GSN: variants seen among roughly 807,000 people sequenced by gnomAD.
The protein encoded by GSN is gelsolin.
A neutral mutation model predicts 85.7 loss-of-function variants in GSN; 56 were observed. The observed-to-expected ratio is 0.65, with a 90% confidence interval of 0.53 to 0.82. The LOEUF (loss-of-function observed/expected upper bound fraction) is 0.82, where lower values mean the gene tolerates loss of function less well. Among genes scored for constraint, GSN ranks in the 40% least tolerant of loss-of-function variants. The probability of loss-of-function intolerance (pLI) is 0.00; values close to 1 mark genes in which losing one functional copy is unlikely to be tolerated. For missense variants in GSN, 857 were observed against 979.8 expected, an observed-to-expected ratio of 0.87 and a Z score of 1.67; for synonymous variants, 373 against 399.1, an observed-to-expected ratio of 0.93 and a Z score of 0.78.
At chr9:121,278,043 T>C (rs972719075) in intron 1 of GSN, among the ~76,000 whole-genome samples, 1 of 151,908 alleles carries the variant, frequency 6.6e-6, no homozygotes, top group Non-Finnish European at 1.5e-5. Flanking sequence ...CCCAAAGATT[T>C]GCATGTTCTT....
intron 4 of GSN, chr9:121,309,085 A>G (rs556083758): frequency 6.6e-6 from 1 of 152,204 alleles, no homozygotes; most frequent in Non-Finnish European, 1.5e-5. Flanking sequence ...GATTGGGAGG[A>G]GGAAACAAGG....
At chr9:121,324,749 C>CCA in intron 12 of GSN, 105 bp downstream of exon 12, 3 of 699,408 alleles carry the variant, frequency 4.3e-6, no homozygotes, top group South Asian at 3.0e-5. Flanking sequence ...ATCTGTCTGT[C>CCA]TGTCCATCCA....
chr9:121,228,112 A>G (rs2054304850), intron 4 of GSN, among the ~76,000 whole-genome samples: 1 of 151,898 alleles, frequency 6.6e-6, no homozygotes, highest in African/African-American at 2.4e-5. Context: ...GCCAAGGCTC[A>G]CTTTCCCATC....
At chr9:121,305,185 A>T (rs1031580158) in intron 4 of GSN, among the ~76,000 whole-genome samples, 14 of 152,190 alleles carry the variant, frequency 9.2e-5, no homozygotes. Flanking sequence ...GGATGATAAT[A>T]ACCCTTACCG....
intron 4 of GSN, among the ~76,000 whole-genome samples, chr9:121,306,269 C>T (rs1488227017): frequency 1.3e-5 from 2 of 152,212 alleles, no homozygotes; most frequent in African/African-American, 4.8e-5. Flanking sequence ...TCCCTCTCTC[C>T]TATTCCTTAG....
intron 4 of GSN, among the ~76,000 whole-genome samples, chr9:121,214,455 G>T (rs1006239070): frequency 6.6e-6 from 1 of 152,082 alleles, no homozygotes; most frequent in African/African-American, 2.4e-5. Flanking sequence ...ATTGTGGGAG[G>T]ATTACATGGC....
At chr9:121,204,969 A>G (rs1266725363), upstream of GSN, among the ~76,000 whole-genome samples, 1 of 152,234 alleles carries the variant, frequency 6.6e-6, no homozygotes, top group Non-Finnish European at 1.5e-5. Flanking sequence ...GGTTTATTCC[A>G]TGTATACATC....
rs913910940 is a variant in GSN, at chr9:121,245,615, C to T, written c.-388-2661C>T. Among the ~76,000 whole-genome samples, 3 of 152,316 alleles carry T rather than the reference C, an allele frequency of 2.0e-5. 1 individual carries two copies. In the South Asian group the frequency reaches 6.2e-4, roughly 32 times the overall value. ...AGCTCAAGCGATGCTCCTGCCTCGG[C>T]CTCCCAAAGAATTGGGATTATAGGC... On this transcript the variant is annotated intron_variant, in intron 5 of 24. Coordinates refer to the GSN transcript ENST00000373823.
chr9:121,313,536 C>T (rs1031126633), intron 6 of GSN: 4 of 305,652 alleles, frequency 1.3e-5, no homozygotes, highest in Non-Finnish European at 2.6e-5. Context: ...TCTTTCTGGA[C>T]CTCAGATTCC....
chr9:121,300,033 C>T, intron 2 of GSN: 3 of 1,533,310 alleles, frequency 2.0e-6, no homozygotes, highest in Non-Finnish European at 2.6e-6. Context: ...CCCGGGGCTC[C>T]CGGAGTAACT....
chr9:121,204,263 G>A (rs1473959861), upstream of GSN, among the ~76,000 whole-genome samples: 2 of 152,302 alleles, frequency 1.3e-5, no homozygotes, highest in South Asian at 2.1e-4. Context: ...ATCTAAAGTC[G>A]TTTAGGTGAA....
At position 121,329,331 on chromosome 9, in the gene GSN, G is replaced by A. The variant is rs761760068; in HGVS notation, c.1965+16G>A. ...CTGGGACCAGGTGGGTGAAGGACAG[G>A]TGAAGGCTCTCTGTGCCAGAGGGAG... On this transcript the variant is annotated intron_variant, in intron 16 of 17. Coordinates refer to ENST00000432226, the MANE Select transcript of GSN (RefSeq NM_198252.3). This position sits in a 1 kb window ranked among gnomAD's most constrained non-coding sequence, Gnocchi z 4.6. 5.4e-6 allele frequency: 8 copies of A among 1,472,254 alleles called. No homozygotes were observed. Among genetic ancestry groups the A allele is most frequent in the Non-Finnish European group, 6.7e-6 (7 of 1,050,272 alleles). The allele number at this position is 1,472,254 out of a possible 1,614,324, so 91.2% of individuals were successfully genotyped here.
chr9:121,328,308 A>G (rs368656299), intron 14 of GSN, among the ~76,000 whole-genome samples: 1 of 152,250 alleles, frequency 6.6e-6, no homozygotes, highest in Non-Finnish European at 1.5e-5. Flanking sequence ...AGAACCTTCT[A>G]TGCAGATGGA....
upstream of GSN, among the ~76,000 whole-genome samples, chr9:121,205,533 T>C (rs1019665526): frequency 6.6e-6 from 1 of 152,146 alleles, no homozygotes; most frequent in African/African-American, 2.4e-5. Context: ...GGGAGAACCT[T>C]AGATGAAGAG....
At chr9:121,320,327 C>T (rs910505409) in intron 10 of GSN, among the ~76,000 whole-genome samples, 3 of 152,190 alleles carry the variant, frequency 2.0e-5, no homozygotes, top group African/African-American at 7.2e-5. Context: ...CTCGTGGTGT[C>T]CCTGCCTCTG....
chr9:121,223,892 C>A (rs946023646), intron 4 of GSN, among the ~76,000 whole-genome samples: 5 of 151,954 alleles, frequency 3.3e-5, no homozygotes, highest in Admixed American at 3.3e-4. Context: ...CTCTTGGGCT[C>A]AAGTAATCCA....
At chr9:121,286,673 A>G (rs2058120507) in intron 2 of GSN, 1 of 1,535,040 alleles carries the variant, frequency 6.5e-7, no homozygotes, top group African/African-American at 1.4e-5. Flanking sequence ...TCAGAGAAAG[A>G]AAGGAGACAA....
At chr9:121,271,428 C>T (rs2055936074) in intron 1 of GSN, among the ~76,000 whole-genome samples, 1 of 152,128 alleles carries the variant, frequency 6.6e-6, no homozygotes, top group Non-Finnish European at 1.5e-5. Context: ...TTTATTGATT[C>T]CTTGCAACCA....
intron 6 of GSN, among the ~76,000 whole-genome samples, chr9:121,251,078 G>A (rs117938950): frequency 0.032 from 4,769 of 151,254 alleles, 274 homozygotes; most frequent in Admixed American, 0.14. Context: ...CTCCTGCCGC[G>A]GCATCCCAGC....
Sources: allele counts gnomAD v4.1 joint callset (sites outside exome capture counted in the v4.1 genomes callset), GRCh38; gene constraint gnomAD v4.1.1; non-coding constraint Gnocchi (gnomAD v3.1); transcripts MANE v1.5; gene names NCBI Gene and HGNC (gene_info 2026-07-23, HGNC 2026-07-21).